Variants in KNTC1 observed in about 807,000 individuals in gnomAD.
KNTC1 encodes kinetochore-associated protein 1.
Under a neutral mutation model 314.4 loss-of-function variants are expected in KNTC1, and 253 were observed. The observed-to-expected ratio is 0.80, with a 90% CI of 0.73 to 0.89. KNTC1 has a LOEUF of 0.89. KNTC1 is among the 40% of genes least tolerant of loss of function. The pLI is 0.00. For synonymous variants in KNTC1, 901 were observed against 901.4 expected, an observed-to-expected ratio of 1.00 and a Z score of 0.01; for missense variants, 2,475 against 2,572.9, an observed-to-expected ratio of 0.96 and a Z score of 0.82.
intron 2 of KNTC1, among the ~76,000 whole-genome samples, chr12:122,534,216 T>C (rs1251816974): frequency 4.6e-5 from 7 of 152,228 alleles, no homozygotes; most frequent in Admixed American, 3.9e-4. Flanking sequence ...CAGTGCTGCA[T>C]CCCCACCAGG....
At chr12:122,562,066 C>T in intron 19 of KNTC1, 92 bp downstream of exon 19, 1 of 1,221,866 alleles carries the variant, frequency 8.2e-7, no homozygotes, top group Middle Eastern at 1.9e-4. Context: ...TTATCAAGAG[C>T]AAGTTATTTC....
chr12:122,588,017 C>A, intron 39 of KNTC1, 143 bp downstream of exon 39: 1 of 678,940 alleles, frequency 1.5e-6, no homozygotes, highest in Non-Finnish European at 2.3e-6. Flanking sequence ...ATTTGTTGAG[C>A]ATCTCTAAGA....
Position 122,603,078 on chromosome 12 carries a change from AAACTG to A in KNTC1, c.4939_4943del (p.Leu1647AlafsTer10). 1 of 1,613,880 alleles carries A rather than the reference AAACTG, an allele frequency of 6.2e-7. No homozygotes were observed. The highest frequency in any genetic ancestry group is 8.5e-7 in the Non-Finnish European group (1 of 1,179,884). ...TACAGCAAAACACGTTTTCGAAAAA[AAACTG>A]AAGCCAAAGCTCCTGAAGTTAACAC... On this transcript the variant is annotated frameshift_variant, in exon 48 of 64. Transcript: ENST00000333479. LOFTEE classifies it high-confidence loss of function.
intron 5 of KNTC1, among the ~76,000 whole-genome samples, chr12:122,541,488 A>G (rs1962331104): frequency 6.6e-6 from 1 of 151,460 alleles, no homozygotes; most frequent in Non-Finnish European, 1.5e-5. Context: ...CTGGGACTAC[A>G]GGCACGCACC....
In KNTC1 at chr12:122,615,506, A is replaced by G; in HGVS notation, c.6010A>G (p.Ser2004Gly). The G allele has an allele frequency of 1.3e-6, 2 of 1,527,896 alleles. No homozygotes were observed. Among genetic ancestry groups the G allele is most frequent in the Non-Finnish European group, 1.8e-6 (2 of 1,131,906 alleles). The allele number at this position is 1,527,896 out of a possible 1,614,324, so 94.6% of individuals were successfully genotyped here. A position where few individuals can be genotyped will look rare whatever the true frequency, so the allele number is the denominator to read the frequency against. ...YLRKVLKAIS[S>G]IHSLWQVPYF... is the part of the protein sequence containing the mutation. ...AAGGAAAGTTTTAAAAGCCATCTCC[A>G]GTATCCATTCTTTATGGCAGGTATG... The change falls in exon 57 of 64, where the codon AGT becomes GGT. Residue 2004 changes from serine to glycine, a missense_variant. Coordinates refer to ENST00000333479, the MANE Select transcript of KNTC1 (RefSeq NM_014708.6).
intron 18 of KNTC1, among the ~76,000 whole-genome samples, chr12:122,559,441 G>T (rs1827030385): frequency 6.6e-6 from 1 of 151,998 alleles, no homozygotes; most frequent in Non-Finnish European, 1.5e-5. Flanking sequence ...CTATTTTATG[G>T]ATATACCACG....
intron 43 of KNTC1, 87 bp downstream of exon 43, chr12:122,594,472 A>G: frequency 1.3e-6 from 1 of 792,550 alleles, no homozygotes; most frequent in Non-Finnish European, 2.2e-6. Context: ...TGATTATTTT[A>G]TGAGGTCCAT....
chr12:122,583,180 A>G (rs1051950472), intron 34 of KNTC1, among the ~76,000 whole-genome samples, 195 bp downstream of exon 34: 6 of 152,100 alleles, frequency 3.9e-5, no homozygotes, highest in African/African-American at 1.4e-4. Flanking sequence ...GCATGGTGGC[A>G]TGTGCCTATA....
chr12:122,552,065 G>A (rs1260349217), intron 16 of KNTC1, among the ~76,000 whole-genome samples: 1 of 152,024 alleles, frequency 6.6e-6, no homozygotes, highest in Admixed American at 6.6e-5. Flanking sequence ...GCATCACCAT[G>A]CCCGGTTAAT....
intron 7 of KNTC1, among the ~76,000 whole-genome samples, 151 bp downstream of exon 7, chr12:122,543,785 T>C (rs1159972974): frequency 6.6e-6 from 1 of 152,156 alleles, no homozygotes; most frequent in Non-Finnish European, 1.5e-5. Flanking sequence ...AAAAATACAT[T>C]TATGCCCGTA....
At chr12:122,615,565 C>T in intron 57 of KNTC1, 39 bp downstream of exon 57, 11 of 1,468,124 alleles carry the variant, frequency 7.5e-6, no homozygotes, top group Non-Finnish European at 1.0e-5. Flanking sequence ...TGAATTTAGT[C>T]TTTATACTTT....
At chr12:122,557,782 T>C in intron 18 of KNTC1, 93 bp downstream of exon 18, 1 of 828,912 alleles carries the variant, frequency 1.2e-6, no homozygotes, top group Non-Finnish European at 1.9e-6. Context: ...CTTTTCCTCC[T>C]ATCCGCTATG....
intron 53 of KNTC1, 173 bp downstream of exon 53, chr12:122,611,073 A>G (rs956055703): frequency 5.1e-5 from 31 of 609,946 alleles, no homozygotes; most frequent in Non-Finnish European, 8.2e-5. Context: ...ACCATGCTCC[A>G]TTTAGTTCTG....
chr12:122,594,008 T>G, intron 42 of KNTC1: 1 of 408,560 alleles, frequency 2.4e-6, no homozygotes, highest in Non-Finnish European at 4.4e-6. Context: ...TCTTCTGCAG[T>G]AATGGAACTG....
chr12:122,586,738 A>G lies in KNTC1; in HGVS notation c.3711A>G (p.Pro1237=). 2 of 1,474,614 alleles carry G rather than the reference A, an allele frequency of 1.4e-6. No homozygotes were observed. The highest frequency in any genetic ancestry group is 1.8e-6 in the Non-Finnish European group (2 of 1,096,098). 91.3% of individuals were successfully genotyped at this position (1,474,614 alleles called of 1,614,324 possible). The change falls in exon 38 of 64, where the codon CCA becomes CCG. Residue 1237 remains proline (P), a synonymous_variant. Coordinates refer to ENST00000333479, the MANE Select transcript of KNTC1 (RefSeq NM_014708.6). The part of the protein sequence containing the change: ...KRYPLESTSL[P]YCSLNEGDGL... The stretch of plus-strand genomic sequence containing the variant: ...ATCCCTTGGAGTCTACCAGTTTGCC[A>G]TACTGCTCCCTTAATGAAGGTATTT...
intron 21 of KNTC1, 23 bp downstream of exon 21, chr12:122,568,395 C>G: frequency 7.7e-7 from 1 of 1,305,434 alleles, no homozygotes; most frequent in Non-Finnish European, 1.1e-6. Flanking sequence ...ACATTTTTTC[C>G]TTAACAGCTT....
At chr12:122,590,777 A>G (rs1271694622) in intron 41 of KNTC1, 42 bp downstream of exon 41, 3 of 1,580,556 alleles carry the variant, frequency 1.9e-6, no homozygotes, top group Non-Finnish European at 2.6e-6. Flanking sequence ...TGAAGTATTC[A>G]AGATTGGGGG....
Position 122,614,606 on chromosome 12 carries a change from C to T in KNTC1, c.5878-385C>T, listed in dbSNP as rs368366534. On this transcript the variant is annotated intron_variant, in intron 55 of 63. Coordinates refer to ENST00000333479, the MANE Select transcript of KNTC1 (RefSeq NM_014708.6). The stretch of plus-strand genomic sequence containing the variant: ...ATTAGAAGCATATTTTGTGGCCGGG[C>T]GCAGTGGCTCATGCCTGTAATCTCA... Among the ~76,000 whole-genome samples, 22 of 152,074 alleles carry T rather than the reference C, an allele frequency of 1.4e-4. No homozygotes were observed. In the East Asian group the frequency reaches 2.9e-3, roughly 20 times the overall value.
At chr12:122,588,342 C>T (rs1436767319) in intron 39 of KNTC1, among the ~76,000 whole-genome samples, 3 of 152,086 alleles carry the variant, frequency 2.0e-5, no homozygotes, top group Admixed American at 6.6e-5. Context: ...GTTGATAACT[C>T]GCTTATGAAA....
Sources: gnomAD v4.1 joint callset for allele counts (sites outside exome capture counted in the v4.1 genomes callset) on GRCh38, gnomAD v4.1.1 for gene constraint, MANE v1.5 for transcripts, NCBI Gene and HGNC (gene_info 2026-07-23, HGNC 2026-07-21) for gene names.